CFAP92: variants seen among roughly 807,000 people sequenced by gnomAD.
The protein encoded by CFAP92 is cilia and flagella associated protein 92 (putative).
CFAP92 carries 86 observed loss-of-function variants against 106.3 expected under a neutral mutation model. The observed-to-expected ratio is 0.81, with a 90% CI of 0.68 to 0.97. CFAP92 has a LOEUF of 0.97. CFAP92 is among the 50% of genes least tolerant of loss of function. CFAP92 has a pLI of 0.00. For synonymous variants in CFAP92, 477 were observed against 506.4 expected (o/e 0.94, Z 0.78); for missense variants, 1,204 against 1,283.8 (o/e 0.94, Z 0.95).
chr3:129,001,695 C>T (rs1944763721), intron 1 of CFAP92: 3 of 1,494,392 alleles, frequency 2.0e-6, no homozygotes, highest in South Asian at 2.5e-5. Context: ...GTACCGGCGA[C>T]CTGCGCGGCG....
chr3:128,994,087 T>A, upstream of CFAP92: 1 of 985,688 alleles, frequency 1.0e-6, no homozygotes, highest in Non-Finnish European at 1.2e-6. Context: ...GAGAGGAGCG[T>A]CCGCCGGTGC....
At chr3:128,988,656 A>G (rs1381669239) in intron 3 of CFAP92, 72 bp downstream of exon 3, 2 of 1,471,900 alleles carry the variant, frequency 1.4e-6, no homozygotes, top group Non-Finnish European at 1.9e-6. Flanking sequence ...GATGTTGCAT[A>G]TCCATGGAGC....
chr3:128,928,156 G>A (rs558119728), intron 12 of CFAP92, among the ~76,000 whole-genome samples: 1 of 152,236 alleles, frequency 6.6e-6, no homozygotes, highest in South Asian at 2.1e-4. Flanking sequence ...GGGAGGCTGA[G>A]GCAGGAGAAT....
At chr3:128,959,604 GA>G (rs1941714078) in intron 9 of CFAP92, among the ~76,000 whole-genome samples, 3 of 152,188 alleles carry the variant, frequency 2.0e-5, no homozygotes, top group Admixed American at 1.3e-4. Flanking sequence ...CAGCAGTGCT[GA>G]ACCTGGTTGG....
At chr3:128,966,335 A>T (rs1009249816) in intron 8 of CFAP92, among the ~76,000 whole-genome samples, 16 of 152,152 alleles carry the variant, frequency 1.1e-4, no homozygotes, top group African/African-American at 3.6e-4. Flanking sequence ...CCCACCAAGG[A>T]CATATCATGC....
intron 10 of CFAP92, among the ~76,000 whole-genome samples, chr3:128,938,118 G>A (rs1032536371): frequency 6.6e-6 from 1 of 151,582 alleles, no homozygotes; most frequent in Non-Finnish European, 1.5e-5. Context: ...GTCGGTCCCA[G>A]CTACTTGAGA....
chr3:129,024,540 G>GA, the CFAP92 span, among the ~76,000 whole-genome samples: 112 of 136,344 alleles, frequency 8.2e-4, 1 homozygote, highest in East Asian at 4.0e-3. Context: ...CAAAAAAAAA[G>GA]AAAAAAAAAA....
upstream of CFAP92, among the ~76,000 whole-genome samples, chr3:129,004,526 C>T (rs1944983339): frequency 1.4e-5 from 2 of 139,934 alleles, no homozygotes; most frequent in South Asian, 2.5e-4. Context: ...CATCATCCAT[C>T]CATCCCCCCA....
the CFAP92 span, among the ~76,000 whole-genome samples, chr3:129,010,348 G>A: frequency 6.6e-6 from 1 of 152,220 alleles, no homozygotes; most frequent in Non-Finnish European, 1.5e-5. This position sits in a 1 kb window ranked among gnomAD's most constrained non-coding sequence, Gnocchi z 4.3. Context: ...CCGGGGCAGG[G>A]CAGGCAGCCT....
At chr3:128,926,848 C>T (rs966585471) in intron 12 of CFAP92, among the ~76,000 whole-genome samples, 1 of 152,112 alleles carries the variant, frequency 6.6e-6, no homozygotes, top group African/African-American at 2.4e-5. Flanking sequence ...GTAATCCCAG[C>T]ACTTTGGTAG....
the CFAP92 span, among the ~76,000 whole-genome samples, chr3:129,010,888 G>A: frequency 6.6e-6 from 1 of 152,222 alleles, no homozygotes; most frequent in Non-Finnish European, 1.5e-5. The surrounding 1 kb of genome is among the most constrained non-coding windows in gnomAD (Gnocchi z 4.3). Flanking sequence ...ATGCACAGGG[G>A]GCTTGGTGGG....
At chr3:129,005,680 G>A (rs1945042956), upstream of CFAP92, among the ~76,000 whole-genome samples, 1 of 152,228 alleles carries the variant, frequency 6.6e-6, no homozygotes, top group Non-Finnish European at 1.5e-5. Flanking sequence ...GCTGGGGGTG[G>A]AGCAGCCAGA....
At chr3:128,935,102 A>G in intron 11 of CFAP92, 23 bp downstream of exon 11, 1 of 1,496,650 alleles carries the variant, frequency 6.7e-7, no homozygotes, top group Non-Finnish European at 8.9e-7. Flanking sequence ...GCGCAGGACC[A>G]CATGCGAGCT....
chr3:129,005,921 G>A (rs1325300463), upstream of CFAP92, among the ~76,000 whole-genome samples: 1 of 152,268 alleles, frequency 6.6e-6, no homozygotes, highest in African/African-American at 2.4e-5. Context: ...AAATAAAGGG[G>A]CTCTTCTTTG....
At chr3:128,933,066 C>G in intron 11 of CFAP92, 69 bp from the exon 12 acceptor site, 1 of 1,403,156 alleles carries the variant, frequency 7.1e-7, no homozygotes, top group African/African-American at 1.4e-5. Context: ...CACTCCCATC[C>G]TACAGCAGGA....
chr3:129,001,799 G>A (rs1944772499), intron 1 of CFAP92: 1 of 1,545,056 alleles, frequency 6.5e-7, no homozygotes, highest in Non-Finnish European at 8.7e-7. Context: ...GCCTGGACCA[G>A]TACCTGCAGG....
intron 7 of CFAP92, 32 bp downstream of exon 7, chr3:128,975,747 T>C: frequency 6.7e-7 from 1 of 1,486,382 alleles, no homozygotes; most frequent in Non-Finnish European, 9.1e-7. Context: ...TCTAGTTATA[T>C]TATAAAATTC....
upstream of CFAP92, chr3:129,002,759 C>T (rs1386980902): frequency 5.8e-6 from 1 of 172,912 alleles, no homozygotes; most frequent in Admixed American, 6.3e-5. Flanking sequence ...TAGGGATATC[C>T]CTGCCTCCTG....
At chr3:129,016,550 C>T in the CFAP92 span, among the ~76,000 whole-genome samples, 2 of 151,684 alleles carry the variant, frequency 1.3e-5, no homozygotes, top group Non-Finnish European at 2.9e-5. Flanking sequence ...GTGAGCTCCA[C>T]CTGCCTGCCA....
Sources: allele counts gnomAD v4.1 joint callset (sites outside exome capture counted in the v4.1 genomes callset), GRCh38; gene constraint gnomAD v4.1.1; non-coding constraint Gnocchi (gnomAD v3.1); transcripts MANE v1.5; gene names NCBI Gene and HGNC (gene_info 2026-07-23, HGNC 2026-07-21).